Variants in TPM4 observed in about 807,000 individuals in gnomAD.
TPM4 encodes tropomyosin alpha-4 chain.
A neutral mutation model predicts 35.8 loss-of-function variants in TPM4; 17 were observed. The ratio of observed to expected loss-of-function variants is 0.47; its 90% CI spans 0.32 to 0.71. The LOEUF (loss-of-function observed/expected upper bound fraction) is 0.71. Ranked by LOEUF, TPM4 falls within the 30% of genes least tolerant of loss-of-function variation. The probability of loss-of-function intolerance (pLI) is 0.03; values close to 1 mark genes in which losing one functional copy is unlikely to be tolerated. For synonymous variants in TPM4, 120 were observed against 122.9 expected (o/e 0.98, Z 0.15); for missense variants, 240 against 320.9 (o/e 0.75, Z 1.93).
chr19:16,092,532 C>CTT (rs530679915), intron 5 of TPM4, among the ~76,000 whole-genome samples: 3 of 145,296 alleles, frequency 2.1e-5, no homozygotes, highest in Non-Finnish European at 3.0e-5. Flanking sequence ...ACTCTGCCTA[C>CTT]TTTTTTTTTT....
chr19:16,080,892 C>A, intron 1 of TPM4: 1 of 396,454 alleles, frequency 2.5e-6, no homozygotes, highest in Non-Finnish European at 4.4e-6. Context: ...TTAATGCTTC[C>A]CATTGTACTT....
intron 7 of TPM4, 75 bp from the exon 8 acceptor site, chr19:16,101,188 AC>A: frequency 2.3e-6 from 3 of 1,283,182 alleles, no homozygotes; most frequent in East Asian, 2.6e-5. Context: ...AGAAAAAAAA[AC>A]AAATCTTTTT....
chr19:16,099,141 G>A (rs1038485193), intron 7 of TPM4, among the ~76,000 whole-genome samples: 5 of 151,830 alleles, frequency 3.3e-5, no homozygotes, highest in Non-Finnish European at 7.4e-5. Flanking sequence ...GGGCAGTGAC[G>A]CAATCTCGGC....
chr19:16,076,365 C>A (rs1055861459), upstream of TPM4: 1 of 1,440,854 alleles, frequency 6.9e-7, no homozygotes, highest in Non-Finnish European at 9.0e-7. Flanking sequence ...GTCAGGCCCT[C>A]CCCCAGCGGT....
upstream of TPM4, chr19:16,076,384 C>A (rs11665918): frequency 0.19 from 258,484 of 1,396,354 alleles, 24,432 homozygotes; most frequent in Non-Finnish European, 0.19. Context: ...GTGCTGACGT[C>A]GGCGGTCCGG....
At chr19:16,076,741 C>A in intron 1 of TPM4, 44 bp downstream of exon 1, 2 of 1,285,092 alleles carry the variant, frequency 1.6e-6, no homozygotes, top group South Asian at 4.5e-5. Context: ...GCCTCCTCCC[C>A]CGCGCGCCCT....
chr19:16,085,172 G>T (rs1390408606), intron 2 of TPM4, among the ~76,000 whole-genome samples: 3 of 152,102 alleles, frequency 2.0e-5, no homozygotes, highest in East Asian at 1.9e-4. Context: ...AGAATCACCT[G>T]ATCCCAGGAA....
upstream of TPM4, among the ~76,000 whole-genome samples, chr19:16,071,560 A>C (rs147773814): frequency 2.7e-3 from 405 of 152,286 alleles, no homozygotes; most frequent in Middle Eastern, 6.8e-3. Flanking sequence ...TCATCTGTGA[A>C]ATGGGAACAC....
intron 3 of TPM4, 125 bp from the exon 4 acceptor site, chr19:16,087,898 CACCA>C: frequency 1.0e-6 from 1 of 966,080 alleles, no homozygotes. Context: ...AAAAAAGAAA[CACCA>C]GAAAAACCCA....
rs759215561 is a variant in TPM4, at chr19:16,067,902, G to A, written c.114+164G>A. 3 of 623,740 alleles carry A rather than the reference G, an allele frequency of 4.8e-6. No homozygotes were observed. The highest frequency in any genetic ancestry group is 3.6e-5 in the Admixed American group (1 of 27,656). 38.6% of individuals were successfully genotyped at this position (623,740 alleles called of 1,614,324 possible). On this transcript the variant is annotated intron_variant, in intron 2 of 2. Transcript: ENST00000589897. This position sits in a 1 kb window ranked among gnomAD's most constrained non-coding sequence, Gnocchi z 4.1. ...GGGACCATTGCCTTCCTTGGATGGG[G>A]TCCTGGGCTGGAAGAGGGGTGACGA... is the stretch of plus-strand genomic sequence containing the variant.
chr19:16,081,075 G>A, intron 1 of TPM4: 2 of 398,498 alleles, frequency 5.0e-6, no homozygotes, highest in Middle Eastern at 6.3e-4. Flanking sequence ...GTCCCACCTT[G>A]GTAATTGCAT....
Position 16,081,799 on chromosome 19 carries a change from C to T in TPM4, c.133-114C>T, listed in dbSNP as rs534672346. Reference sequence around the variant, plus strand: ...TGTAAATTCCCTATGGCCTGGACTCCTGGGTGGGCTTTGACGGGGAAGATC... The same window carrying T: ...TGTAAATTCCCTATGGCCTGGACTCTTGGGTGGGCTTTGACGGGGAAGATC... On this transcript the variant is annotated intron_variant, in intron 1 of 7. Transcript: ENST00000643579. 250 of 1,369,102 alleles carry T rather than the reference C, an allele frequency of 1.8e-4. No homozygotes were observed. In the African/African-American group the frequency reaches 3.3e-3, roughly 18 times the overall value. 84.8% of individuals were successfully genotyped at this position (1,369,102 alleles called of 1,614,324 possible).
At chr19:16,087,620 T>C (rs1165400825) in intron 3 of TPM4, among the ~76,000 whole-genome samples, 1 of 151,480 alleles carries the variant, frequency 6.6e-6, no homozygotes, top group Non-Finnish European at 1.5e-5. Context: ...TGGTGGCTCA[T>C]GCCTATAATC....
chr19:16,068,115 A>G (rs1294050311), intron 2 of TPM4, among the ~76,000 whole-genome samples: 8 of 145,984 alleles, frequency 5.5e-5, no homozygotes, highest in Admixed American at 3.4e-4. Context: ...ATGTGTGTGT[A>G]CGTGTGTGTG....
In TPM4 at chr19:16,093,747, C is replaced by T; in HGVS notation, c.658C>T (p.Leu220=). The part of the protein sequence containing the change: ...VAKLEKTIDD[L]EEKLAQAKEE... ...AAAACTGGAAAAGACAATTGATGAC[C>T]TGGAAGGTATGAGGTTACCATCTAA... Residue 220 remains leucine, a synonymous_variant, in exon 7 of 8, where the codon CTG becomes TTG. Transcript: ENST00000643579. 6.2e-7 allele frequency: 1 copy of T among 1,613,502 alleles called. No individual in the cohort carries two copies.
chr19:16,086,668 A>C, intron 3 of TPM4, 128 bp downstream of exon 3: 1 of 723,958 alleles, frequency 1.4e-6, no homozygotes, highest in Non-Finnish European at 2.3e-6. Context: ...GCGTGAACAT[A>C]TGTTTGTCCA....
chr19:16,102,887 T>C lies in TPM4; in HGVS notation c.*1541T>C, dbSNP rs1243116988. The C allele has an allele frequency of 1.4e-5, 2 of 140,394 alleles. No individual in the cohort carries two copies. Among genetic ancestry groups the C allele is most frequent in the Non-Finnish European group, 2.8e-5 (2 of 71,004 alleles). The allele number at this position is 140,394 out of a possible 1,614,324, so 8.7% of individuals were successfully genotyped here. ...ATTCAGCACCACACTACCCAGGAAA[T>C]ACACTAGCAAATTGTGCAATGGAAT... On this transcript the variant is annotated 3_prime_UTR_variant, in exon 8 of 8. Coordinates refer to ENST00000643579, the MANE Select transcript of TPM4 (RefSeq NM_003290.3).
chr19:16,069,593 TGG>T (rs2090334755), intron 2 of TPM4, among the ~76,000 whole-genome samples: 2 of 130,518 alleles, frequency 1.5e-5, no homozygotes, highest in Non-Finnish European at 3.4e-5. Flanking sequence ...TTGGTGTGTG[TGG>T]ATGAATGTGT....
chr19:16,075,695 T>G (rs1862601), upstream of TPM4: 2,125 of 204,610 alleles, frequency 0.01, 40 homozygotes, highest in African/African-American at 0.046. Flanking sequence ...TGAGATTGCT[T>G]AACTCCAGAT....
Sources: gnomAD v4.1 joint callset for allele counts (sites outside exome capture counted in the v4.1 genomes callset) on GRCh38, gnomAD v4.1.1 for gene constraint, Gnocchi (gnomAD v3.1) non-coding constraint, MANE v1.5 for transcripts, NCBI Gene and HGNC (gene_info 2026-07-23, HGNC 2026-07-21) for gene names.